DNMBP: variants seen among roughly 807,000 people sequenced by gnomAD.
DNMBP encodes dynamin binding protein.
DNMBP carries 87 observed loss-of-function variants against 150.0 expected under a neutral mutation model. The ratio of observed to expected loss-of-function variants is 0.58; its 90% CI spans 0.49 to 0.69. The LOEUF (loss-of-function observed/expected upper bound fraction) is 0.69, where lower values mean the gene tolerates loss of function less well. DNMBP is among the 30% of genes least tolerant of loss of function. The pLI is 0.00. For missense variants in DNMBP, 1,774 were observed against 1,949.0 expected, an observed-to-expected ratio of 0.91 and a Z score of 1.69; for synonymous variants, 711 against 750.4, an observed-to-expected ratio of 0.95 and a Z score of 0.86.
chr10:99,897,912 CA>C (rs950770294), intron 9 of DNMBP, 173 bp downstream of exon 9: 90 of 614,742 alleles, frequency 1.5e-4, no homozygotes, highest in Admixed American at 2.1e-4. Flanking sequence ...GACTCTGTCT[CA>C]AAAAAAATAA....
chr10:99,904,661 G>A (rs1405143781), intron 6 of DNMBP, among the ~76,000 whole-genome samples: 2 of 152,020 alleles, frequency 1.3e-5, no homozygotes, highest in Non-Finnish European at 2.9e-5. Context: ...TAGTCCTTGC[G>A]CCTAGGTCTC....
intron 1 of DNMBP, among the ~76,000 whole-genome samples, chr10:99,998,007 G>A (rs1241891552): frequency 6.6e-6 from 1 of 150,820 alleles, no homozygotes; most frequent in Admixed American, 6.6e-5. Context: ...AGGCCAAGGT[G>A]GGCAGATCAC....
chr10:99,878,669 C>A (rs1275725139), intron 16 of DNMBP, among the ~76,000 whole-genome samples: 1 of 152,214 alleles, frequency 6.6e-6, no homozygotes, highest in Middle Eastern at 3.2e-3. Context: ...CAGGACACGA[C>A]TGGGCCTTCC....
chr10:99,957,276 C>T, intron 3 of DNMBP, 71 bp from the exon 4 acceptor site: 1 of 1,342,312 alleles, frequency 7.4e-7, no homozygotes, highest in Non-Finnish European at 1.0e-6. Flanking sequence ...ACTAATAGTG[C>T]AACCTCTCAT....
chr10:99,956,357 T>C lies in DNMBP; in HGVS notation c.1117A>G (p.Asn373Asp). 6.2e-7 allele frequency: 1 copy of C among 1,614,000 alleles called. No individual in the cohort carries two copies. Among genetic ancestry groups the C allele is most frequent in the Non-Finnish European group, 8.5e-7 (1 of 1,180,014 alleles). The part of the protein sequence containing the change: ...HLTSEYDTDR[N>D]SYQDEDTAGG... ...GCGGTGTCCTCGTCCTGATAAGAGTTTCTGTCTGTGTCATACTCTGAAGTC... is the reference window on the plus strand; with the variant it reads ...GCGGTGTCCTCGTCCTGATAAGAGTCTCTGTCTGTGTCATACTCTGAAGTC... The change falls in exon 4 of 17, where the codon AAC (asparagine) becomes GAC (aspartate). Residue 373 changes from asparagine to aspartate, a missense_variant. Physicochemically the swap from Asn to Asp is conservative, Grantham distance 23. Around this residue, in one of 2 missense-constraint regions of DNMBP, gnomAD observed 1,430 missense variants for 1,492.5 expected, o/e 0.96. Coordinates refer to ENST00000324109, the MANE Select transcript of DNMBP (RefSeq NM_015221.4).
chr10:99,965,567 G>A (rs2040612428), intron 3 of DNMBP, among the ~76,000 whole-genome samples: 2 of 143,100 alleles, frequency 1.4e-5, no homozygotes, highest in South Asian at 4.4e-4. Flanking sequence ...GCGCAATCTT[G>A]GCTCTCTGCA....
chr10:99,896,433 T>C (rs1449193646), intron 9 of DNMBP, 36 bp from the exon 10 acceptor site: 2 of 1,612,060 alleles, frequency 1.2e-6, no homozygotes. Context: ...TTCCTCAGCA[T>C]GGGCATACTA....
intron 1 of DNMBP, among the ~76,000 whole-genome samples, chr10:100,006,460 C>T (rs2041072159): frequency 6.6e-6 from 1 of 152,182 alleles, no homozygotes; most frequent in Non-Finnish European, 1.5e-5. Context: ...GTGAGTCACA[C>T]AGCTCTAGCT....
intron 4 of DNMBP, chr10:99,930,852 G>C: frequency 5.1e-6 from 3 of 586,802 alleles, no homozygotes; most frequent in South Asian, 2.2e-5. Context: ...CCTAAGGCTG[G>C]ATTTGTCCTG....
At chr10:99,932,250 A>G (rs1406211981) in intron 4 of DNMBP, among the ~76,000 whole-genome samples, 2 of 152,164 alleles carry the variant, frequency 1.3e-5, no homozygotes, top group African/African-American at 2.4e-5. Flanking sequence ...ATGCTTTGTT[A>G]ATAATTACAT....
chr10:99,901,558 T>C (rs535945896), intron 6 of DNMBP, among the ~76,000 whole-genome samples: 161 of 152,198 alleles, frequency 1.1e-3, no homozygotes, highest in Non-Finnish European at 1.9e-3. Flanking sequence ...CAGTTAGGCA[T>C]AGGAACAGTT....
chr10:99,934,724 G>C lies in DNMBP; in HGVS notation c.2260+20490C>G, dbSNP rs34299379. ...ATTTGTCAGGAATCATTTGGTAGACGTGAGGAAATAATGCGTGGGGACAAG... is the reference window on the plus strand; with the variant it reads ...ATTTGTCAGGAATCATTTGGTAGACCTGAGGAAATAATGCGTGGGGACAAG... On this transcript the variant is annotated intron_variant, in intron 4 of 16. Coordinates refer to ENST00000324109, the MANE Select transcript of DNMBP (RefSeq NM_015221.4). Among the ~76,000 whole-genome samples, 28 of 107,968 alleles carry C rather than the reference G, an allele frequency of 2.6e-4. 3 individuals carry two copies. Among genetic ancestry groups the C allele is most frequent in the Admixed American group, 1.6e-3 (17 of 10,502 alleles). The allele number at this position is 107,968 out of a possible 152,430, so 70.8% of individuals were successfully genotyped here.
chr10:99,916,971 AGCCTTGGTG>A, intron 4 of DNMBP, among the ~76,000 whole-genome samples: 1 of 152,122 alleles, frequency 6.6e-6, no homozygotes, highest in Admixed American at 6.5e-5. Context: ...ACTGTACTCC[AGCCTTGGTG>A]ACAGAGTGAG....
At position 99,884,108 on chromosome 10, in the gene DNMBP, T is replaced by G; in HGVS notation, c.3900A>C (p.Gln1300His). 1 of 1,614,166 alleles carries G rather than the reference T, an allele frequency of 6.2e-7. No individual in the cohort carries two copies. The highest frequency in any genetic ancestry group is 8.5e-7 in the Non-Finnish European group (1 of 1,180,022). ...CTTCCAAAAGTGAGACATCCAAGTCTTGAGCAGCATTGAAGTTCCGTTCTG... is the reference window on the plus strand; with the variant it reads ...CTTCCAAAAGTGAGACATCCAAGTCGTGAGCAGCATTGAAGTTCCGTTCTG... ...FQAERNFNAA[Q>H]DLDVSLLEGD... The change falls in exon 15 of 17, where the codon CAA (glutamine) becomes CAC (histidine). Residue 1300 changes from glutamine (Q) to histidine (H), a missense_variant. By Grantham distance (24) the Gln-to-His change is conservative. Around this residue, in one of 2 missense-constraint regions of DNMBP, gnomAD observed 1,430 missense variants for 1,492.5 expected, o/e 0.96. Coordinates refer to ENST00000324109, the MANE Select transcript of DNMBP (RefSeq NM_015221.4).
At chr10:99,972,649 C>T (rs565179815) in intron 1 of DNMBP, among the ~76,000 whole-genome samples, 3 of 152,184 alleles carry the variant, frequency 2.0e-5, no homozygotes, top group African/African-American at 2.4e-5. Flanking sequence ...CTCGCTTTAT[C>T]ACCCAGGCTG....
intron 1 of DNMBP, among the ~76,000 whole-genome samples, chr10:99,998,079 C>CA (rs1163691064): frequency 3.3e-5 from 5 of 150,158 alleles, no homozygotes; most frequent in East Asian, 2.0e-4. Flanking sequence ...ACTAAAAATA[C>CA]AAAAAATTAG....
chr10:99,940,986 GTGATTCTCC>G (rs1589430248), intron 4 of DNMBP, among the ~76,000 whole-genome samples: 1 of 152,282 alleles, frequency 6.6e-6, no homozygotes, highest in East Asian at 1.9e-4. Context: ...CCATGTTCAA[GTGATTCTCC>G]TGCCTCAGCC....
intron 4 of DNMBP, among the ~76,000 whole-genome samples, chr10:99,925,333 T>G (rs1257313865): frequency 6.6e-6 from 1 of 152,218 alleles, no homozygotes. Context: ...TCAATTTCTC[T>G]GAGCTCTATC....
At chr10:99,965,709 C>T (rs2040613378) in intron 3 of DNMBP, among the ~76,000 whole-genome samples, 2 of 152,076 alleles carry the variant, frequency 1.3e-5, no homozygotes, top group South Asian at 4.1e-4. Context: ...GTTGGCCAGG[C>T]TGGTCTCGAA....
Sources: gnomAD v4.1 joint callset for allele counts (sites outside exome capture counted in the v4.1 genomes callset) on GRCh38, gnomAD v4.1.1 for gene constraint, gnomAD v4.1.1 regional missense constraint, MANE v1.5 for transcripts, NCBI Gene and HGNC (gene_info 2026-07-23, HGNC 2026-07-21) for gene names.